TRAFD1: variants seen among roughly 807,000 people sequenced by gnomAD.
TRAFD1 encodes TRAF-type zinc finger domain-containing protein 1.
Under a neutral mutation model 65.3 loss-of-function variants are expected in TRAFD1, and 38 were observed. The observed-to-expected ratio is 0.58, with a 90% CI of 0.45 to 0.76. The LOEUF (loss-of-function observed/expected upper bound fraction) is 0.76, where lower values mean the gene tolerates loss of function less well. Ranked by LOEUF, TRAFD1 falls within the 30% of genes least tolerant of loss-of-function variation. The pLI is 0.00. For synonymous variants in TRAFD1, 223 were observed against 257.2 expected, an observed-to-expected ratio of 0.87 and a Z score of 1.27; for missense variants, 631 against 712.6, an observed-to-expected ratio of 0.89 and a Z score of 1.30.
chr12:112,137,860 G>A lies in TRAFD1; in HGVS notation c.237+2794G>A, dbSNP rs2029966479. On this transcript the variant is annotated intron_variant, in intron 4 of 11. Transcript: ENST00000412615. The surrounding 1 kb of genome is among the most constrained non-coding windows in gnomAD (Gnocchi z 4.2). ...TATACATATGTAAAAATTCACCAAG[G>A]TATATACTTAAAGATTTGTGCATTT... Among the ~76,000 whole-genome samples the A allele has an allele frequency of 6.6e-6, 1 of 152,124 alleles. No homozygotes were observed. Among genetic ancestry groups the A allele is most frequent in the African/African-American group, 2.4e-5 (1 of 41,428 alleles).
In TRAFD1 at chr12:112,141,202, G is replaced by A; in HGVS notation, c.621G>A (p.Gln207=). Reference sequence around the variant, plus strand: ...CCAACCAAAGGAACATTACAGCCCAGGTTTCAATTCAGAATAATCTGTGTG... The same window carrying A: ...CCAACCAAAGGAACATTACAGCCCAAGTTTCAATTCAGAATAATCTGTGTG... ...RTTNQRNITA[Q]VSIQNNLFEE... Residue 207 remains glutamine (Q), a synonymous_variant, in exon 5 of 12, where the codon CAG becomes CAA. Transcript: ENST00000412615. 6.2e-7 allele frequency: 1 copy of A among 1,614,040 alleles called. No homozygotes were observed. Among genetic ancestry groups the A allele is most frequent in the Non-Finnish European group, 8.5e-7 (1 of 1,180,022 alleles).
chr12:112,141,546 A>G (rs955523239), intron 5 of TRAFD1: 5 of 252,662 alleles, frequency 2.0e-5, no homozygotes, highest in African/African-American at 1.1e-4. Context: ...AGCATCTCAA[A>G]TCTGAGAATC....
intron 6 of TRAFD1, among the ~76,000 whole-genome samples, chr12:112,145,073 G>A (rs2030200010): frequency 6.6e-6 from 1 of 152,090 alleles, no homozygotes; most frequent in African/African-American, 2.4e-5. Flanking sequence ...TTGTTTAGCA[G>A]TTTTCCTGAG....
In TRAFD1 at chr12:112,152,525, C is replaced by T. The variant is rs2030439090; in HGVS notation, c.1692+26C>T. The T allele has an allele frequency of 6.2e-7, 1 of 1,613,618 alleles. No individual in the cohort carries two copies. The highest frequency in any genetic ancestry group is 8.5e-7 in the Non-Finnish European group (1 of 1,179,784). On this transcript the variant is annotated intron_variant, in intron 11 of 11. Transcript: ENST00000412615. The surrounding 1 kb of genome is among the most constrained non-coding windows in gnomAD (Gnocchi z 5.0). Reference sequence around the variant, plus strand: ...GTAAGGTGGGCTCCAGCCCATGATGCTCAGTGGGGGACTCAGACATGGTGG... The same window carrying T: ...GTAAGGTGGGCTCCAGCCCATGATGTTCAGTGGGGGACTCAGACATGGTGG...
chr12:112,147,399 C>A (rs1236390412), intron 7 of TRAFD1, among the ~76,000 whole-genome samples: 1 of 152,070 alleles, frequency 6.6e-6, no homozygotes, highest in African/African-American at 2.4e-5. Context: ...GTGGAACATA[C>A]TTTCCCCCAT....
Position 112,125,596 on chromosome 12 carries a change from C to T in TRAFD1, c.-35C>T, listed in dbSNP as rs1442538359. ...CGTGTCTGCAGCTAGTGTGTCAACT[C>T]AGCGTTTCTCCTCTCGTCCCTGGTG... On this transcript the variant is annotated 5_prime_UTR_variant, in exon 1 of 12. Coordinates refer to ENST00000412615, the MANE Select transcript of TRAFD1 (RefSeq NM_006700.3). 1 of 152,654 alleles carries T rather than the reference C, an allele frequency of 6.6e-6. No homozygotes were observed. Among genetic ancestry groups the T allele is most frequent in the Non-Finnish European group, 1.5e-5 (1 of 68,382 alleles). 9.5% of individuals were successfully genotyped at this position (152,654 alleles called of 1,614,324 possible). A position where few individuals can be genotyped will look rare whatever the true frequency, so the allele number is the denominator to read the frequency against.
chr12:112,145,734 G>A, intron 7 of TRAFD1, 72 bp downstream of exon 7: 1 of 1,382,750 alleles, frequency 7.2e-7, no homozygotes, highest in African/African-American at 1.4e-5. Flanking sequence ...CAGGCCACAT[G>A]AGGCCTTGAA....
intron 7 of TRAFD1, among the ~76,000 whole-genome samples, chr12:112,146,375 G>C (rs895150885): frequency 3.9e-5 from 6 of 151,950 alleles, no homozygotes; most frequent in East Asian, 1.9e-4. Flanking sequence ...AAAAAAAAAG[G>C]GGGGGGCAGG....
At chr12:112,141,667 C>T (rs1420798140) in intron 5 of TRAFD1, among the ~76,000 whole-genome samples, 2 of 152,154 alleles carry the variant, frequency 1.3e-5, no homozygotes, top group African/African-American at 2.4e-5. Flanking sequence ...TCTTATTTCC[C>T]TTAGGCATTT....
At position 112,141,110 on chromosome 12, in the gene TRAFD1, C is replaced by G. The variant is rs1279994699; in HGVS notation, c.529C>G (p.Pro177Ala). 6.2e-7 allele frequency: 1 copy of G among 1,614,086 alleles called. No homozygotes were observed. Among genetic ancestry groups the G allele is most frequent in the East Asian group, 2.2e-5 (1 of 44,888 alleles). The change falls in exon 5 of 12, where the codon CCA (proline) becomes GCA (alanine). Residue 177 changes from proline (P) to alanine (A), a missense_variant. Physicochemically the swap from Pro to Ala is conservative, Grantham distance 27 (BLOSUM62 -1). Coordinates refer to ENST00000412615, the MANE Select transcript of TRAFD1 (RefSeq NM_006700.3). ...QLLRQIEALDPPMRLPRRPLR... is the reference protein window; with the variant it reads ...QLLRQIEALDAPMRLPRRPLR... Reference sequence around the variant, plus strand: ...CCTCAGACAAATTGAGGCTCTGGACCCACCCATGAGGCTGCCGCGAAGGCC... The same window carrying G: ...CCTCAGACAAATTGAGGCTCTGGACGCACCCATGAGGCTGCCGCGAAGGCC...
At chr12:112,128,996 A>C (rs1354629592) in intron 1 of TRAFD1, among the ~76,000 whole-genome samples, 1 of 146,676 alleles carries the variant, frequency 6.8e-6, no homozygotes, top group Non-Finnish European at 1.5e-5. Flanking sequence ...GCACCACTGC[A>C]CTCCAGCCTA....
chr12:112,140,251 T>G (rs1433842612), intron 4 of TRAFD1: 1 of 184,540 alleles, frequency 5.4e-6, no homozygotes, highest in Non-Finnish European at 1.2e-5. Flanking sequence ...AAACCCCGTC[T>G]CTACTAAAAA....
At chr12:112,125,853 GT>G (rs887843597) in intron 1 of TRAFD1, 14 of 152,324 alleles carry the variant, frequency 9.2e-5, no homozygotes, top group Non-Finnish European at 2.1e-4. Context: ...CGCGGCCTAG[GT>G]TGGTCTGGTG....
At chr12:112,147,741 G>A (rs889616275) in intron 7 of TRAFD1, among the ~76,000 whole-genome samples, 1 of 150,234 alleles carries the variant, frequency 6.7e-6, no homozygotes, top group Admixed American at 6.7e-5. Context: ...GTGCGATCTC[G>A]GCTCACTGCA....
At chr12:112,133,823 G>A (rs1451171557) in intron 2 of TRAFD1, among the ~76,000 whole-genome samples, 2 of 150,376 alleles carry the variant, frequency 1.3e-5, no homozygotes, top group East Asian at 1.9e-4. Flanking sequence ...TCCTGCCTCA[G>A]CCTCCCGAGT....
At chr12:112,146,364 C>CA (rs202214474) in intron 7 of TRAFD1, among the ~76,000 whole-genome samples, 6 of 148,398 alleles carry the variant, frequency 4.0e-5, no homozygotes, top group African/African-American at 7.4e-5. Flanking sequence ...CCAGCTCTAC[C>CA]AAAAAAAAAG....
At position 112,148,211 on chromosome 12, in the gene TRAFD1, C is replaced by T; in HGVS notation, c.1065C>T (p.Gly355=). 6.2e-7 allele frequency: 1 copy of T among 1,614,130 alleles called. No individual in the cohort carries two copies. Among genetic ancestry groups the T allele is most frequent in the Non-Finnish European group, 8.5e-7 (1 of 1,180,028 alleles). ...GTAACCAGTTAGACTCTTTGATGGGCCTGAGCAATTCACACCCTGTGGAGG... is the reference window on the plus strand; with the variant it reads ...GTAACCAGTTAGACTCTTTGATGGGTCTGAGCAATTCACACCCTGTGGAGG... ...AASNQLDSLM[G]LSNSHPVEES... is the part of the protein sequence containing the mutation. The change falls in exon 8 of 12, where the codon GGC becomes GGT. Residue 355 remains glycine, a synonymous_variant. Coordinates refer to ENST00000412615, the MANE Select transcript of TRAFD1 (RefSeq NM_006700.3).
rs2030351897 is a variant in TRAFD1 at position 112,149,794 on chromosome 12, CAG to C, written c.1205_1206del (p.Glu402GlyfsTer4). 1.9e-6 allele frequency: 3 copies of C among 1,614,100 alleles called. No homozygotes were observed. Among genetic ancestry groups the C allele is most frequent in the African/African-American group, 2.7e-5 (2 of 74,934 alleles). ...CCAGCCACTGCAACCAACCATGTGACAGAGGGGATTCCTAGACTGGATTCCCA... is the reference window on the plus strand; with the variant it reads ...CCAGCCACTGCAACCAACCATGTGACAGGGGATTCCTAGACTGGATTCCCA... On this transcript the variant is annotated frameshift_variant, in exon 9 of 12. Transcript: ENST00000412615. LOFTEE classifies it high-confidence loss of function.
intron 2 of TRAFD1, chr12:112,132,999 C>T (rs1427797801): frequency 6.6e-6 from 1 of 152,158 alleles, no homozygotes; most frequent in Non-Finnish European, 1.5e-5. Context: ...TGGAATTTTA[C>T]AATGGTCCTA....
Sources: allele counts gnomAD v4.1 joint callset (sites outside exome capture counted in the v4.1 genomes callset), GRCh38; gene constraint gnomAD v4.1.1; non-coding constraint Gnocchi (gnomAD v3.1); transcripts MANE v1.5; gene names NCBI Gene and HGNC (gene_info 2026-07-23, HGNC 2026-07-21).